Variants in SETX observed in about 807,000 individuals in gnomAD.
The protein encoded by SETX is helicase senataxin.
Under a neutral mutation model 227.2 loss-of-function variants are expected in SETX, and 90 were observed. The observed-to-expected ratio is 0.40, with a 90% CI of 0.33 to 0.47. SETX has a LOEUF of 0.47. Ranked by LOEUF, SETX falls within the 20% of genes least tolerant of loss-of-function variation. The pLI, the probability that SETX is intolerant of heterozygous loss-of-function variation, is 0.91. For synonymous variants in SETX, 1,210 were observed against 1,113.2 expected, an observed-to-expected ratio of 1.09 and a Z score of -1.73; for missense variants, 3,052 against 3,181.5, an observed-to-expected ratio of 0.96 and a Z score of 0.98.
chr9:132,282,279 T>A (rs1406820205), intron 19 of SETX, among the ~76,000 whole-genome samples: 1 of 150,224 alleles, frequency 6.7e-6, no homozygotes, highest in Non-Finnish European at 1.5e-5. Context: ...ATTTTAAATT[T>A]TTTATTTATT....
rs142020270 is a variant in SETX, at chr9:132,328,253, G to A, written c.3345C>T (p.Ala1115=). The change falls in exon 10 of 26, where the codon GCC becomes GCT. Residue 1115 remains alanine (A), a synonymous_variant. Coordinates refer to ENST00000224140, the MANE Select transcript of SETX (RefSeq NM_015046.7). ...DGEKKCLAPI[A]NTTNGQGCTD... The stretch of plus-strand genomic sequence containing the variant: ...TACAACCCTGACCATTTGTAGTATT[G>A]GCTATAGGAGCCAAACATTTTTTCT... The A allele has an allele frequency of 1.2e-6, 2 of 1,613,930 alleles. No individual in the cohort carries two copies. The highest frequency in any genetic ancestry group is 1.1e-5 in the South Asian group (1 of 91,066).
At position 132,288,318 on chromosome 9, in the gene SETX, T is replaced by C; in HGVS notation, c.6242A>G (p.His2081Arg). The change falls in exon 17 of 26, where the codon CAT (histidine) becomes CGT (arginine). Residue 2081 changes from histidine to arginine, a missense_variant. His to Arg is a conservative substitution (Grantham distance 29). Around this residue, in one of 10 missense-constraint regions of SETX, gnomAD observed 412 missense variants for 589.0 expected, o/e 0.70. Coordinates refer to ENST00000224140, the MANE Select transcript of SETX (RefSeq NM_015046.7). ...ATAATCTAGAAATTCCTTTCTTTTA[T>C]GCATCGCCTGAACATGAGAAGGTAA... Reference protein sequence around the residue: ...KELPSHVQAMHKRKEFLDYQL... With the variant: ...KELPSHVQAMRKRKEFLDYQL... 1 of 1,614,184 alleles carries C rather than the reference T, an allele frequency of 6.2e-7. No homozygotes were observed. Among genetic ancestry groups the C allele is most frequent in the Non-Finnish European group, 8.5e-7 (1 of 1,179,984 alleles).
chr9:132,286,403 G>T lies in SETX; in HGVS notation c.6396+20C>A. 1 of 1,543,760 alleles carries T rather than the reference G, an allele frequency of 6.5e-7. No individual in the cohort carries two copies. Reference sequence around the variant, plus strand: ...AGAAAAAAAAAAAAATCAAGAAAATGCTACAGGTGAACTACTTACCTCTTT... The same window carrying T: ...AGAAAAAAAAAAAAATCAAGAAAATTCTACAGGTGAACTACTTACCTCTTT... On this transcript the variant is annotated intron_variant, in intron 18 of 25. Transcript: ENST00000224140.
In SETX at chr9:132,265,135, G is replaced by A. The variant is rs944985558; in HGVS notation, c.7288-150C>T. ...CATTACTCGTCAGACAAGGATGAAA[G>A]GAAAAAATAAATTCAAATAAAAAAT... is the stretch of plus-strand genomic sequence containing the variant. On this transcript the variant is annotated intron_variant, in intron 25 of 25. Coordinates refer to ENST00000224140, the MANE Select transcript of SETX (RefSeq NM_015046.7). The A allele has an allele frequency of 9.4e-6, 9 of 961,348 alleles. No homozygotes were observed. In the African/African-American group the frequency reaches 1.3e-4, roughly 14 times the overall value. 59.6% of individuals were successfully genotyped at this position (961,348 alleles called of 1,614,324 possible).
chr9:132,345,462 C>A (rs1353675732), intron 4 of SETX, among the ~76,000 whole-genome samples: 1 of 152,052 alleles, frequency 6.6e-6, no homozygotes. Context: ...TTAGTAGAGA[C>A]AGGGTTTCAC....
chr9:132,286,416 T>TAA lies in SETX; in HGVS notation c.6396+6_6396+7insTT. On this transcript the variant is annotated splice_region_variant and intron_variant, in intron 18 of 25. Coordinates refer to ENST00000224140, the MANE Select transcript of SETX (RefSeq NM_015046.7). The stretch of plus-strand genomic sequence containing the variant: ...AATCAAGAAAATGCTACAGGTGAAC[T>TAA]ACTTACCTCTTTAATTTTAGAAGCA... 1 of 1,597,672 alleles carries TAA rather than the reference T, an allele frequency of 6.3e-7. No homozygotes were observed. The highest frequency in any genetic ancestry group is 8.6e-7 in the Non-Finnish European group (1 of 1,166,928).
chr9:132,305,934 T>G (rs1845312519), intron 11 of SETX, among the ~76,000 whole-genome samples: 1 of 152,220 alleles, frequency 6.6e-6, no homozygotes, highest in African/African-American at 2.4e-5. Context: ...TGTCTTTACG[T>G]TAAGATGTTA....
chr9:132,285,002 C>T (rs1221489972), intron 18 of SETX, among the ~76,000 whole-genome samples: 2 of 152,014 alleles, frequency 1.3e-5, no homozygotes, highest in Non-Finnish European at 2.9e-5. Context: ...CCTCAGGCTC[C>T]CGAGTAGGTG....
Position 132,327,345 on chromosome 9 carries a change from G to A in SETX, c.4253C>T (p.Pro1418Leu), listed in dbSNP as rs1485506672. ...SNRKQLIKCM[P>L]SEPETIKAKH... Reference sequence around the variant, plus strand: ...TGCTTTTATGGTTTCTGGTTCAGAAGGCATGCATTTTATTAACTGTTTTCT... The same window carrying A: ...TGCTTTTATGGTTTCTGGTTCAGAAAGCATGCATTTTATTAACTGTTTTCT... The change falls in exon 10 of 26, where the codon CCT becomes CTT. Residue 1418 changes from proline to leucine, a missense_variant. Pro to Leu is a moderately conservative substitution (Grantham distance 98, BLOSUM62 -3). This residue lies in a region of SETX where 1,483 missense variants were observed against 1,312.0 expected (regional missense o/e 1.13). Coordinates refer to ENST00000224140, the MANE Select transcript of SETX (RefSeq NM_015046.7). 2 of 1,614,216 alleles carry A rather than the reference G, an allele frequency of 1.2e-6. No homozygotes were observed. The highest frequency in any genetic ancestry group is 1.7e-6 in the Non-Finnish European group (2 of 1,180,028).
intron 4 of SETX, among the ~76,000 whole-genome samples, chr9:132,343,581 C>CA (rs1848118763): frequency 6.6e-6 from 1 of 152,088 alleles, no homozygotes; most frequent in Non-Finnish European, 1.5e-5. Flanking sequence ...TGTAAAATTT[C>CA]AAAAAATATT....
At chr9:132,273,834 T>A (rs934683516) in intron 23 of SETX, among the ~76,000 whole-genome samples, 1 of 152,184 alleles carries the variant, frequency 6.6e-6, no homozygotes, top group African/African-American at 2.4e-5. Context: ...TAGTACAATG[T>A]TGAAAAAAAG....
chr9:132,298,364 C>T (rs1227216311), intron 12 of SETX, 52 bp from the exon 13 acceptor site: 3 of 1,413,624 alleles, frequency 2.1e-6, no homozygotes, highest in Non-Finnish European at 3.0e-6. Flanking sequence ...AATAATGCTG[C>T]CTAGTTGTAA....
chr9:132,342,683 C>T lies in SETX; in HGVS notation c.498+7G>A. 1 of 1,574,102 alleles carries T rather than the reference C, an allele frequency of 6.4e-7. No individual in the cohort carries two copies. Among genetic ancestry groups the T allele is most frequent in the Non-Finnish European group, 8.7e-7 (1 of 1,143,604 alleles). On this transcript the variant is annotated splice_region_variant and intron_variant, in intron 5 of 25. Transcript: ENST00000224140. The stretch of plus-strand genomic sequence containing the variant: ...ATACCCTTCTATCGCCCAACACTCA[C>T]ACTCACCATTTCATTGGGATGGACT...
In SETX at chr9:132,286,221, G is replaced by A. The variant is rs539125755; in HGVS notation, c.6396+202C>T. Reference sequence around the variant, plus strand: ...AAAAAAATTAGCCAGGCATGGTGGTGCACGCCTGTAATCCCAGCCACATGG... The same window carrying A: ...AAAAAAATTAGCCAGGCATGGTGGTACACGCCTGTAATCCCAGCCACATGG... On this transcript the variant is annotated intron_variant, in intron 18 of 25. Transcript: ENST00000224140. Among the ~76,000 whole-genome samples the A allele has an allele frequency of 1.5e-3, 226 of 148,986 alleles. 1 individual carries two copies. The highest frequency in any genetic ancestry group is 5.0e-3 in the African/African-American group (202 of 40,482).
chr9:132,270,810 A>G (rs1385816335), intron 24 of SETX, among the ~76,000 whole-genome samples: 1 of 152,240 alleles, frequency 6.6e-6, no homozygotes, highest in South Asian at 2.1e-4. Flanking sequence ...TAGATCAGAA[A>G]AAGAGCTCAG....
chr9:132,347,527 G>C (rs1293248696), intron 3 of SETX, among the ~76,000 whole-genome samples: 1 of 151,920 alleles, frequency 6.6e-6, no homozygotes, highest in African/African-American at 2.4e-5. Flanking sequence ...GGCCAGGCTG[G>C]TCTCAAACTG....
chr9:132,283,160 C>CAAAAA (rs371692040), intron 19 of SETX, 104 bp downstream of exon 19: 1 of 1,156,748 alleles, frequency 8.6e-7, no homozygotes, highest in Non-Finnish European at 1.2e-6. Flanking sequence ...AAATCAGATG[C>CAAAAA]AAAAAAAAAA....
intron 23 of SETX, among the ~76,000 whole-genome samples, chr9:132,272,097 C>G (rs1020721152): frequency 6.6e-6 from 1 of 152,006 alleles, no homozygotes; most frequent in Non-Finnish European, 1.5e-5. Flanking sequence ...GTCTCCATCT[C>G]CTGACCTCAT....
intron 25 of SETX, among the ~76,000 whole-genome samples, chr9:132,266,575 G>A (rs1002222878): frequency 6.6e-6 from 1 of 152,024 alleles, no homozygotes; most frequent in Non-Finnish European, 1.5e-5. Context: ...GGTTCAAGAC[G>A]AGCCTGGGCA....
Sources: allele counts gnomAD v4.1 joint callset (sites outside exome capture counted in the v4.1 genomes callset), GRCh38; gene constraint gnomAD v4.1.1; regional missense constraint gnomAD v4.1.1; transcripts MANE v1.5; gene names NCBI Gene and HGNC (gene_info 2026-07-23, HGNC 2026-07-21).